RBM23: variants seen among roughly 807,000 people sequenced by gnomAD.
The protein encoded by RBM23 is RNA binding motif protein 23.
RBM23 carries 53 observed loss-of-function variants against 56.2 expected under a neutral mutation model. That is an observed-to-expected ratio of 0.94 (90% confidence interval 0.76 to 1.19). The LOEUF is 1.19. Among genes scored for constraint, RBM23 ranks in the 50% most tolerant of loss-of-function variants. RBM23 has a pLI of 0.00. For missense variants in RBM23, 642 were observed against 590.3 expected, an observed-to-expected ratio of 1.09 and a Z score of -0.91; for synonymous variants, 197 against 198.5, an observed-to-expected ratio of 0.99 and a Z score of 0.06.
At chr14:22,905,774 G>C (rs1048838879) in intron 5 of RBM23, 115 bp from the exon 6 acceptor site, 20 of 836,274 alleles carry the variant, frequency 2.4e-5, no homozygotes, top group Middle Eastern at 2.4e-4. Flanking sequence ...TTTTAAGACA[G>C]GGTTTCCGCT....
intron 10 of RBM23, chr14:22,903,543 G>C: frequency 1.0e-6 from 1 of 986,672 alleles, no homozygotes; most frequent in Non-Finnish European, 1.2e-6. Flanking sequence ...GCCTTTACTG[G>C]ATATTTTTGA....
At chr14:22,913,197 G>A (rs1448666150) in intron 1 of RBM23, among the ~76,000 whole-genome samples, 11 of 150,002 alleles carry the variant, frequency 7.3e-5, no homozygotes, top group Admixed American at 3.3e-4. Context: ...GGCGGATCAC[G>A]AGGTCAGGAG....
chr14:22,901,874 G>A lies in RBM23; in HGVS notation c.1256C>T (p.Pro419Leu). The A allele has an allele frequency of 6.2e-7, 1 of 1,614,182 alleles. No homozygotes were observed. Among genetic ancestry groups the A allele is most frequent in the Non-Finnish European group, 8.5e-7 (1 of 1,180,018 alleles). Residue 419 changes from proline to leucine, a missense_variant, in exon 13 of 14, where the codon CCA (proline) becomes CTA (leucine). Pro to Leu is a moderately conservative substitution (Grantham distance 98, BLOSUM62 -3). Transcript: ENST00000359890. ...LNPAALTALSPALNLASQCFQ... is the reference protein window; with the variant it reads ...LNPAALTALSLALNLASQCFQ... ...ACACTGGGAGGCAAGGTTCAGGGCT[G>A]GACTCAGAGCTAGAACAAAGACAGG...
At chr14:22,916,667 A>C (rs558054104) in intron 1 of RBM23, among the ~76,000 whole-genome samples, 8 of 152,142 alleles carry the variant, frequency 5.3e-5, no homozygotes, top group African/African-American at 1.9e-4. Context: ...TAAAGGAAAA[A>C]AAAAAGGACA....
At chr14:22,905,986 G>C (rs2041474464) in intron 5 of RBM23, 1 of 640,792 alleles carries the variant, frequency 1.6e-6, no homozygotes, top group Non-Finnish European at 2.7e-6. Flanking sequence ...CTGAGCCCAA[G>C]TGATCTTCTG....
chr14:22,907,729 T>A (rs2041812564), intron 4 of RBM23, among the ~76,000 whole-genome samples: 1 of 152,348 alleles, frequency 6.6e-6, no homozygotes, highest in South Asian at 2.1e-4. Context: ...CTTAGGCTGG[T>A]CCTTCAGAAG....
intron 10 of RBM23, chr14:22,902,824 G>C (rs2040841320): frequency 1.1e-5 from 10 of 935,142 alleles, no homozygotes; most frequent in Non-Finnish European, 1.2e-5. Flanking sequence ...ACTGAGGCTA[G>C]AGTGCAGTGG....
At chr14:22,910,403 G>A (rs2042274382) in intron 2 of RBM23, among the ~76,000 whole-genome samples, 1 of 125,688 alleles carries the variant, frequency 8.0e-6, no homozygotes, top group Non-Finnish European at 1.6e-5. Flanking sequence ...GGTGAGCTGA[G>A]AACGCGCCAC....
At chr14:22,913,315 GAGGC>G (rs2042911069) in intron 1 of RBM23, among the ~76,000 whole-genome samples, 1 of 150,958 alleles carries the variant, frequency 6.6e-6, no homozygotes, top group Admixed American at 6.6e-5. Context: ...TCGGGAGGCT[GAGGC>G]AGGAGAATGG....
At chr14:22,906,568 C>T (rs1333389071) in intron 4 of RBM23, among the ~76,000 whole-genome samples, 200 bp from the exon 5 acceptor site, 1 of 152,232 alleles carries the variant, frequency 6.6e-6, no homozygotes, top group Non-Finnish European at 1.5e-5. Context: ...TTACCTACTG[C>T]ACTCCCAGTT....
intron 1 of RBM23, among the ~76,000 whole-genome samples, chr14:22,918,031 A>G (rs575310453): frequency 1.3e-5 from 2 of 152,152 alleles, no homozygotes; most frequent in South Asian, 4.1e-4. Flanking sequence ...GCAGCTTAAC[A>G]AAAGAGGAAC....
At chr14:22,904,115 G>A (rs1368067888) in intron 10 of RBM23, 146 bp downstream of exon 10, 8 of 1,546,198 alleles carry the variant, frequency 5.2e-6, no homozygotes, top group Non-Finnish European at 7.0e-6. Flanking sequence ...CATCTCAAGG[G>A]GTAGAAGGCT....
Position 22,894,486 on chromosome 14 carries a change from G to A in RBM23, c.*7244C>T, listed in dbSNP as rs2040215646. The A allele has an allele frequency of 6.6e-6, 1 of 152,192 alleles. No individual in the cohort carries two copies. Among genetic ancestry groups the A allele is most frequent in the Non-Finnish European group, 1.5e-5 (1 of 68,048 alleles). 9.4% of individuals were successfully genotyped at this position (152,192 alleles called of 1,614,324 possible). A position where few individuals can be genotyped will look rare whatever the true frequency, so the allele number is the denominator to read the frequency against. On this transcript the variant is annotated 3_prime_UTR_variant, in exon 14 of 14. Transcript: ENST00000359890. ...AATCCCAGCACTTTGGGAGGCCGAGGTGGGTGGATCACTTGAGGTCAAGAG... is the reference window on the plus strand; with the variant it reads ...AATCCCAGCACTTTGGGAGGCCGAGATGGGTGGATCACTTGAGGTCAAGAG...
intron 1 of RBM23, among the ~76,000 whole-genome samples, chr14:22,916,680 G>T (rs988964892): frequency 6.6e-6 from 1 of 151,684 alleles, no homozygotes; most frequent in Non-Finnish European, 1.5e-5. Context: ...AAAGGACACA[G>T]TATACCAAGA....
At chr14:22,906,099 G>C in intron 5 of RBM23, 96 bp downstream of exon 5, 1 of 1,381,322 alleles carries the variant, frequency 7.2e-7, no homozygotes, top group South Asian at 1.3e-5. Context: ...CAATCACAAT[G>C]TGTTATAATA....
At position 22,905,656 on chromosome 14, in the gene RBM23, A is replaced by G. The variant is rs754005967; in HGVS notation, c.405T>C (p.Tyr135=). The G allele has an allele frequency of 5.4e-5, 86 of 1,602,342 alleles. No homozygotes were observed. Among genetic ancestry groups the G allele is most frequent in the African/African-American group, 3.3e-4 (25 of 74,864 alleles). The change falls in exon 6 of 14, where the codon TAT becomes TAC. Residue 135 remains tyrosine (Y), a synonymous_variant. Coordinates refer to ENST00000359890, the MANE Select transcript of RBM23 (RefSeq NM_001077351.2). ...HYRSPPLATG[Y]RYGHSKSPHF... The stretch of plus-strand genomic sequence containing the variant: ...GAGGACTCTTACTGTGTCCATACCT[A>G]TAACTAAAGAATAGAGAAAAACAAA...
intron 10 of RBM23, chr14:22,903,083 A>C (rs1351598058): frequency 2.0e-6 from 2 of 985,206 alleles, no homozygotes; most frequent in African/African-American, 3.5e-5. Context: ...CGCCTGGCCA[A>C]ATTTTAGTTA....
intron 1 of RBM23, among the ~76,000 whole-genome samples, chr14:22,914,643 A>T (rs1479410522): frequency 6.6e-6 from 1 of 151,698 alleles, no homozygotes; most frequent in Non-Finnish European, 1.5e-5. Flanking sequence ...AAACCTGAGG[A>T]ATTTCTATGC....
intron 1 of RBM23, chr14:22,917,025 C>T (rs1047279767): frequency 2.6e-5 from 4 of 152,078 alleles, no homozygotes; most frequent in Non-Finnish European, 5.9e-5. Flanking sequence ...GGCACCACCA[C>T]ACCTGGCTAA....
Sources: allele counts gnomAD v4.1 joint callset (sites outside exome capture counted in the v4.1 genomes callset), GRCh38; gene constraint gnomAD v4.1.1; transcripts MANE v1.5; gene names NCBI Gene and HGNC (gene_info 2026-07-23, HGNC 2026-07-21).